Variants in ZKSCAN5 observed in about 807,000 individuals in gnomAD.
The protein encoded by ZKSCAN5 is zinc finger protein with KRAB and SCAN domains 5.
Under a neutral mutation model 60.0 loss-of-function variants are expected in ZKSCAN5, and 28 were observed. The ratio of observed to expected loss-of-function variants is 0.47; its 90% CI spans 0.35 to 0.64. ZKSCAN5 has a LOEUF of 0.64. ZKSCAN5 is among the 30% of genes least tolerant of loss of function. ZKSCAN5 has a pLI of 0.01. For missense variants in ZKSCAN5, 881 were observed against 1,034.6 expected, an observed-to-expected ratio of 0.85 and a Z score of 2.04; for synonymous variants, 361 against 371.2, an observed-to-expected ratio of 0.97 and a Z score of 0.31.
chr7:99,532,148 G>C lies in ZKSCAN5; in HGVS notation c.2419G>C (p.Gly807Arg), dbSNP rs1169238958. ...GEKPFQCKEC[G>R]MNFSWSCSLF... ...GAAACCTTTTCAATGTAAAGAATGT[G>C]GAATGAATTTCAGCTGGAGTTGTAG... is the stretch of plus-strand genomic sequence containing the variant. Residue 807 changes from glycine to arginine, a missense_variant, in exon 7 of 7, where the codon GGA becomes CGA. Physicochemically the swap from Gly to Arg is moderately radical, Grantham distance 125. Coordinates refer to ENST00000326775, the MANE Select transcript of ZKSCAN5 (RefSeq NM_145102.4). 2 of 1,613,864 alleles carry C rather than the reference G, an allele frequency of 1.2e-6. No homozygotes were observed. The highest frequency in any genetic ancestry group is 1.7e-6 in the Non-Finnish European group (2 of 1,180,020).
chr7:99,505,613 T>G (rs910872491), intron 1 of ZKSCAN5: 12 of 169,528 alleles, frequency 7.1e-5, no homozygotes, highest in African/African-American at 2.6e-4. Flanking sequence ...ATAATGATTT[T>G]CACCCTTATT....
chr7:99,515,736 A>C (rs1801236443), intron 3 of ZKSCAN5, among the ~76,000 whole-genome samples: 1 of 151,120 alleles, frequency 6.6e-6, no homozygotes, highest in African/African-American at 2.4e-5. Context: ...TGGGAGTCTG[A>C]GGCAGGAGAA....
rs2151122522 is a variant in ZKSCAN5, at chr7:99,533,386, TG to T, written c.*1140del. On this transcript the variant is annotated 3_prime_UTR_variant, in exon 7 of 7. Coordinates refer to ENST00000326775, the MANE Select transcript of ZKSCAN5 (RefSeq NM_145102.4). ...GCTAGGGAGAGTGAGTGAGTGCTCTTGGGCACTGCTCAGGCCGTTTCTGCTG... is the reference window on the plus strand; with the variant it reads ...GCTAGGGAGAGTGAGTGAGTGCTCTTGGCACTGCTCAGGCCGTTTCTGCTG... 1 of 570,194 alleles carries T rather than the reference TG, an allele frequency of 1.8e-6. No homozygotes were observed. The highest frequency in any genetic ancestry group is 1.9e-5 in the African/African-American group (1 of 53,974). 35.3% of individuals were successfully genotyped at this position (570,194 alleles called of 1,614,324 possible).
chr7:99,531,686 C>T lies in ZKSCAN5; in HGVS notation c.1957C>T (p.Arg653Ter), dbSNP rs1473636911. 8 of 1,614,142 alleles carry T rather than the reference C, an allele frequency of 5.0e-6. No homozygotes were observed. Among genetic ancestry groups the T allele is most frequent in the East Asian group, 2.2e-5 (1 of 44,886 alleles). Residue 653 changes from arginine to a stop codon, truncating the protein, a stop_gained, in exon 7 of 7, where the codon CGA becomes TGA. Transcript: ENST00000326775. LOFTEE classifies it high-confidence loss of function. ...GRRSHLAGHL[R>*]LHSREKSHQC... ...GCGTTCCCACCTGGCTGGACATCTT[C>T]GACTCCACTCCCGAGAGAAATCCCA...
chr7:99,513,771 T>C, intron 3 of ZKSCAN5: 1 of 343,364 alleles, frequency 2.9e-6, no homozygotes, highest in South Asian at 2.1e-5. Flanking sequence ...CTCACACTTG[T>C]AATCCCTGCA....
At chr7:99,511,636 T>A (rs1242590754) in intron 2 of ZKSCAN5, among the ~76,000 whole-genome samples, 2 of 151,634 alleles carry the variant, frequency 1.3e-5, no homozygotes, top group Non-Finnish European at 2.9e-5. Context: ...AGAGACAGGG[T>A]CTCACTGTGT....
At chr7:99,522,584 G>A (rs1366611710) in intron 5 of ZKSCAN5, among the ~76,000 whole-genome samples, 7 of 150,656 alleles carry the variant, frequency 4.6e-5, no homozygotes, top group Admixed American at 1.3e-4. Context: ...AGCTATTCTC[G>A]CACCTCAGCC....
At chr7:99,515,015 G>A (rs1296648198) in intron 3 of ZKSCAN5, among the ~76,000 whole-genome samples, 5 of 152,066 alleles carry the variant, frequency 3.3e-5, no homozygotes, top group African/African-American at 1.2e-4. Context: ...GGAATTCGAG[G>A]CTGCAGTGAG....
chr7:99,516,431 T>C (rs1801267896), intron 3 of ZKSCAN5, among the ~76,000 whole-genome samples: 1 of 152,236 alleles, frequency 6.6e-6, no homozygotes, highest in Non-Finnish European at 1.5e-5. Flanking sequence ...GGCTTTCATC[T>C]GTAACCATTG....
intron 2 of ZKSCAN5, among the ~76,000 whole-genome samples, chr7:99,507,491 G>GTA (rs1378004256): frequency 7.7e-5 from 11 of 142,658 alleles, no homozygotes; most frequent in African/African-American, 3.0e-4. Flanking sequence ...GTGTATATAT[G>GTA]TATATATGTG....
Position 99,506,385 on chromosome 7 carries a change from A to G in ZKSCAN5, c.341A>G (p.His114Arg), listed in dbSNP as rs1195303937. The G allele has an allele frequency of 1.2e-6, 2 of 1,614,168 alleles. No individual in the cohort carries two copies. The highest frequency in any genetic ancestry group is 1.1e-5 in the South Asian group (1 of 91,086). ...TTCCAGCCCTGGGTGAGGGAACATC[A>G]CCCTGAAAGTGGAGAAGAGGCGGTG... Reference protein sequence around the residue: ...EEFQPWVREHHPESGEEAVAV... With the variant: ...EEFQPWVREHRPESGEEAVAV... Residue 114 changes from histidine to arginine, a missense_variant, in exon 2 of 7, where the codon CAC (histidine) becomes CGC (arginine). Coordinates refer to ENST00000326775, the MANE Select transcript of ZKSCAN5 (RefSeq NM_145102.4).
chr7:99,524,393 G>A (rs1801683437), intron 5 of ZKSCAN5, among the ~76,000 whole-genome samples: 1 of 151,988 alleles, frequency 6.6e-6, no homozygotes, highest in Admixed American at 6.6e-5. Context: ...TGTATTTTTT[G>A]TAGAGACGGG....
At chr7:99,511,114 T>G (rs554376548) in intron 2 of ZKSCAN5, among the ~76,000 whole-genome samples, 2 of 152,148 alleles carry the variant, frequency 1.3e-5, no homozygotes, top group Non-Finnish European at 2.9e-5. Context: ...AAAAAAGTGC[T>G]TTGAAATGTA....
In ZKSCAN5 at chr7:99,533,848, C is replaced by T; in HGVS notation, c.*1599C>T. ...CATGGTTCTGAATCCCTGTCTCAGG[C>T]TCTGCTTTAGAGAACCTGATCTAAG... is the stretch of plus-strand genomic sequence containing the variant. On this transcript the variant is annotated 3_prime_UTR_variant, in exon 7 of 7. Coordinates refer to ENST00000326775, the MANE Select transcript of ZKSCAN5 (RefSeq NM_145102.4). The T allele has an allele frequency of 2.6e-6, 1 of 381,662 alleles. No individual in the cohort carries two copies. Among genetic ancestry groups the T allele is most frequent in the Non-Finnish European group, 4.6e-6 (1 of 215,868 alleles). The allele number at this position is 381,662 out of a possible 1,614,324, so 23.6% of individuals were successfully genotyped here. A position where few individuals can be genotyped will look rare whatever the true frequency, so the allele number is the denominator to read the frequency against.
chr7:99,531,615 G>T lies in ZKSCAN5; in HGVS notation c.1886G>T (p.Gly629Val), dbSNP rs139466060. The part of the protein sequence containing the change: ...HLVQHQSVHS[G>V]ERPFKCNECG... ...GTTCAGCATCAGAGCGTGCACAGTG[G>T]GGAGAGACCCTTCAAGTGTAACGAA... The change falls in exon 7 of 7, where the codon GGG becomes GTG. Residue 629 changes from glycine to valine, a missense_variant. Physicochemically the swap from Gly to Val is moderately radical, Grantham distance 109. Coordinates refer to ENST00000326775, the MANE Select transcript of ZKSCAN5 (RefSeq NM_145102.4). 1.1e-4 allele frequency: 173 copies of T among 1,614,180 alleles called. 1 individual carries two copies. The highest frequency in any genetic ancestry group is 3.8e-4 in the Admixed American group (23 of 60,002).
intron 5 of ZKSCAN5, among the ~76,000 whole-genome samples, chr7:99,523,018 A>G (rs1801610326): frequency 6.7e-6 from 1 of 150,090 alleles, no homozygotes; most frequent in African/African-American, 2.5e-5. Context: ...TACAAAAATT[A>G]TCCGGGCATG....
In ZKSCAN5 at chr7:99,533,978, T is replaced by G; in HGVS notation, c.*1729T>G. On this transcript the variant is annotated 3_prime_UTR_variant, in exon 7 of 7. Coordinates refer to ENST00000326775, the MANE Select transcript of ZKSCAN5 (RefSeq NM_145102.4). ...AGACCCGCATCACTGTTAATAGTCC[T>G]GGCATGTGGTACCTGTCCAGTCACT... 5.1e-6 allele frequency: 1 copy of G among 194,862 alleles called. No individual in the cohort carries two copies. The highest frequency in any genetic ancestry group is 1.0e-5 in the Non-Finnish European group (1 of 96,730). The allele number at this position is 194,862 out of a possible 1,614,324, so 12.1% of individuals were successfully genotyped here.
chr7:99,510,664 G>A (rs567650010), intron 2 of ZKSCAN5, among the ~76,000 whole-genome samples: 4 of 151,986 alleles, frequency 2.6e-5, no homozygotes, highest in South Asian at 2.1e-4. Flanking sequence ...GGCTGGTCTC[G>A]AACTCCTGAC....
intron 2 of ZKSCAN5, 131 bp from the exon 3 acceptor site, chr7:99,512,322 A>G (rs1203534527): frequency 4.6e-6 from 5 of 1,083,832 alleles, no homozygotes; most frequent in Non-Finnish European, 3.9e-6. Context: ...CTGCATAATC[A>G]GTGCGTGGCT....
Sources: allele counts gnomAD v4.1 joint callset (sites outside exome capture counted in the v4.1 genomes callset), GRCh38; gene constraint gnomAD v4.1.1; transcripts MANE v1.5; gene names NCBI Gene and HGNC (gene_info 2026-07-23, HGNC 2026-07-21).